ADAM10: variants seen among roughly 807,000 people sequenced by gnomAD.
ADAM10 encodes the protein disintegrin and metalloproteinase domain-containing protein 10.
A neutral mutation model predicts 90.1 loss-of-function variants in ADAM10; 17 were observed. The ratio of observed to expected loss-of-function variants is 0.19; its 90% CI spans 0.13 to 0.28. ADAM10 has a LOEUF of 0.28. Among genes scored for constraint, ADAM10 ranks in the 10% least tolerant of loss-of-function variants. The pLI, the probability that ADAM10 is intolerant of heterozygous loss-of-function variation, is 1.00. For synonymous variants in ADAM10, 310 were observed against 298.6 expected (o/e 1.04, Z -0.40); for missense variants, 610 against 914.3 (o/e 0.67, Z 4.29).
intron 6 of ADAM10, 94 bp from the exon 7 acceptor site, chr15:58,644,072 C>G: frequency 1.1e-6 from 1 of 894,684 alleles, no homozygotes; most frequent in Non-Finnish European, 1.8e-6. Context: ...TATTCATGTC[C>G]TGCCACATTC....
At chr15:58,641,045 C>T (rs971904352) in intron 7 of ADAM10, 85 bp from the exon 8 acceptor site, 8 of 1,275,218 alleles carry the variant, frequency 6.3e-6, no homozygotes, top group Middle Eastern at 3.8e-4. Flanking sequence ...TCTGCGTACA[C>T]CTGGACAATA....
At chr15:58,653,886 A>T (rs1435095125) in intron 5 of ADAM10, among the ~76,000 whole-genome samples, 2 of 152,064 alleles carry the variant, frequency 1.3e-5, no homozygotes, top group African/African-American at 4.8e-5. Flanking sequence ...CTTCAATTTC[A>T]TTACTTGTTA....
intron 11 of ADAM10, among the ~76,000 whole-genome samples, chr15:58,614,754 T>G (rs961178512): frequency 2.0e-5 from 3 of 151,986 alleles, no homozygotes; most frequent in Non-Finnish European, 2.9e-5. Flanking sequence ...TTCCTGCACC[T>G]GGAAGCAAAA....
rs537962331 is a variant in ADAM10, at chr15:58,683,750, C to T, written c.207-1436G>A. On this transcript the variant is annotated intron_variant, in intron 2 of 15. Coordinates refer to ENST00000260408, the MANE Select transcript of ADAM10 (RefSeq NM_001110.4). ...TGGCTTGCACCTCTAGTCCCAGCTA[C>T]TGGGGAGGCTGAGGTAAGAGAACTG... 3.4e-5 allele frequency among the ~76,000 whole-genome samples: 5 copies of T among 147,188 alleles called. No individual in the cohort carries two copies. In the South Asian group the frequency reaches 1.1e-3, roughly 32 times the overall value.
At chr15:58,720,407 T>TA (rs1431169978) in intron 1 of ADAM10, among the ~76,000 whole-genome samples, 1 of 15,708 alleles carries the variant, frequency 6.4e-5, no homozygotes, top group African/African-American at 2.0e-4. Context: ...TTATTTTATT[T>TA]TTTTTTTTTT....
intron 9 of ADAM10, among the ~76,000 whole-genome samples, chr15:58,631,416 C>T (rs1239616239): frequency 6.6e-6 from 1 of 152,068 alleles, no homozygotes; most frequent in East Asian, 1.9e-4. Flanking sequence ...TGAATAAAAA[C>T]ATCTCACTGG....
At chr15:58,738,372 A>G (rs1313546466) in intron 1 of ADAM10, among the ~76,000 whole-genome samples, 1 of 152,210 alleles carries the variant, frequency 6.6e-6, no homozygotes, top group Non-Finnish European at 1.5e-5. Context: ...ATCATGCCCT[A>G]TATTCCAGCA....
chr15:58,680,893 A>G lies in ADAM10; in HGVS notation c.325+1303T>C, dbSNP rs1334174330. ...TAGTGCAGTGGCACAATCATAACTC[A>G]CTGTAGCCTCAACCTCCTGGGCTCA... On this transcript the variant is annotated intron_variant, in intron 3 of 15. Transcript: ENST00000260408. Among the ~76,000 whole-genome samples, 4 of 151,992 alleles carry G rather than the reference A, an allele frequency of 2.6e-5. No individual in the cohort carries two copies. In the East Asian group the frequency reaches 7.8e-4, roughly 29 times the overall value.
chr15:58,651,860 C>T (rs942681546), intron 5 of ADAM10, among the ~76,000 whole-genome samples: 1 of 152,154 alleles, frequency 6.6e-6, no homozygotes, highest in Admixed American at 6.5e-5. Context: ...TTTGCATTCC[C>T]ACCAACAGTG....
In ADAM10 at chr15:58,626,832, T is replaced by TAACC. The variant is rs1257297840; in HGVS notation, c.1360+867_1360+868insGGTT. On this transcript the variant is annotated intron_variant, in intron 10 of 15. Transcript: ENST00000260408. ...AAGACAGAGCATTACTGCTTAATGG[T>TAACC]TATAGAATTTCCATTGGGATGATGA... Among the ~76,000 whole-genome samples the TAACC allele has an allele frequency of 6.6e-5, 10 of 152,236 alleles. No homozygotes were observed. The South Asian group carries it at 1.7e-3, about 25-fold the overall frequency.
intron 5 of ADAM10, among the ~76,000 whole-genome samples, chr15:58,660,419 CT>C (rs148139870): frequency 1.1e-4 from 17 of 147,944 alleles, no homozygotes; most frequent in Non-Finnish European, 9.0e-5. Flanking sequence ...CTCATTTGGT[CT>C]TTTTTTTTTA....
chr15:58,727,791 A>G (rs1899090185), intron 1 of ADAM10, among the ~76,000 whole-genome samples: 1 of 152,172 alleles, frequency 6.6e-6, no homozygotes, highest in African/African-American at 2.4e-5. Flanking sequence ...ACTTCAAAAC[A>G]AAACAAAAAA....
chr15:58,735,829 T>C (rs1229527590), intron 1 of ADAM10, among the ~76,000 whole-genome samples: 1 of 152,216 alleles, frequency 6.6e-6, no homozygotes, highest in Non-Finnish European at 1.5e-5. Context: ...AGTTGGTATC[T>C]GTTCTCTAAA....
chr15:58,727,906 T>C (rs755631934), intron 1 of ADAM10, among the ~76,000 whole-genome samples: 3 of 152,034 alleles, frequency 2.0e-5, no homozygotes, highest in Non-Finnish European at 4.4e-5. Flanking sequence ...GAAGAAAAAG[T>C]TGATAGAACA....
In ADAM10 at chr15:58,705,973, A is replaced by G. The variant is rs1200017298; in HGVS notation, c.206+11604T>C. On this transcript the variant is annotated intron_variant, in intron 2 of 15. Coordinates refer to ENST00000260408, the MANE Select transcript of ADAM10 (RefSeq NM_001110.4). ...AGGTATTTATGTAAAGGAAAATTTA[A>G]TATATTTAGGGTTTAGTACCATCCA... Among the ~76,000 whole-genome samples the G allele has an allele frequency of 2.0e-5, 3 of 152,326 alleles. 1 individual carries two copies. The highest frequency in any genetic ancestry group is 4.2e-4 in the South Asian group (2 of 4,818).
chr15:58,652,860 A>G (rs1896722392), intron 5 of ADAM10, among the ~76,000 whole-genome samples: 1 of 152,204 alleles, frequency 6.6e-6, no homozygotes, highest in African/African-American at 2.4e-5. Flanking sequence ...ATACGAACAT[A>G]GAATATCTTT....
chr15:58,670,903 TAA>T (rs1244487488), intron 4 of ADAM10, among the ~76,000 whole-genome samples: 3 of 152,158 alleles, frequency 2.0e-5, no homozygotes, highest in African/African-American at 7.2e-5. Context: ...TTAGAAGAGA[TAA>T]GAGATATTAG....
intron 9 of ADAM10, among the ~76,000 whole-genome samples, chr15:58,631,495 G>C (rs1896098365): frequency 1.3e-5 from 2 of 152,140 alleles, no homozygotes; most frequent in South Asian, 4.1e-4. Context: ...CTGCAGTGTG[G>C]TTCACAGATG....
chr15:58,709,384 A>G (rs1278421855), intron 2 of ADAM10, among the ~76,000 whole-genome samples: 3 of 152,200 alleles, frequency 2.0e-5, no homozygotes, highest in African/African-American at 7.2e-5. Context: ...TCTACTAGGC[A>G]TATACGTAAT....
Sources: gnomAD v4.1 joint callset for allele counts (sites outside exome capture counted in the v4.1 genomes callset) on GRCh38, gnomAD v4.1.1 for gene constraint, MANE v1.5 for transcripts, NCBI Gene and HGNC (gene_info 2026-07-23, HGNC 2026-07-21) for gene names.